The following FAAH2 variants were observed in gnomAD, a reference collection of about 807,000 sequenced individuals.
FAAH2 encodes fatty acid amide hydrolase 2, also known as fatty-acid amide hydrolase 2.
FAAH2 carries 60 observed loss-of-function variants against 36.9 expected under a neutral mutation model. The observed-to-expected ratio is 1.63, with a 90% CI of 1.32 to 2.02. The LOEUF is 2.02. Among genes scored for constraint, FAAH2 ranks in the 30% most tolerant of loss-of-function variants. The pLI is 0.00. For synonymous variants in FAAH2, 214 were observed against 143.8 expected (o/e 1.49, Z -3.49); for missense variants, 689 against 397.5 (o/e 1.73, Z -6.23).
intron 3 of FAAH2, among the ~76,000 whole-genome samples, chrX:57,325,279 G>C (rs187824169): frequency 1.3e-4 from 15 of 111,340 alleles, no homozygotes; most frequent in African/African-American, 4.2e-4. Flanking sequence ...ATGTTCATCA[G>C]GGATATTGGT....
At chrX:57,187,343 C>G in the FAAH2 span, among the ~76,000 whole-genome samples, 1 of 110,160 alleles carries the variant, frequency 9.1e-6, no homozygotes, top group Non-Finnish European at 1.9e-5. Context: ...AATGGGGGTT[C>G]ACTCATAATT....
chrX:57,455,425 C>T (rs1172509302), intron 10 of FAAH2, among the ~76,000 whole-genome samples: 1 of 110,930 alleles, frequency 9.0e-6, no homozygotes, highest in Non-Finnish European at 1.9e-5. Context: ...AACATGATGA[C>T]AGGATCAAAA....
chrX:57,171,157 G>A, the FAAH2 span, among the ~76,000 whole-genome samples: 2 of 111,473 alleles, frequency 1.8e-5, no homozygotes, highest in Non-Finnish European at 3.8e-5. Context: ...TCCAATAATT[G>A]GTTAGTGGGC....
intron 7 of FAAH2, among the ~76,000 whole-genome samples, chrX:57,419,371 C>T (rs1278468406): frequency 1.8e-5 from 2 of 111,289 alleles, no homozygotes; most frequent in African/African-American, 3.3e-5. Flanking sequence ...ACATCCTCTC[C>T]AGCACCTGTT....
At chrX:57,316,106 G>C (rs1309095666) in intron 3 of FAAH2, among the ~76,000 whole-genome samples, 1 of 110,996 alleles carries the variant, frequency 9.0e-6, no homozygotes, top group South Asian at 3.7e-4. Flanking sequence ...TGTCCTGGTT[G>C]AGATTCACAC....
chrX:57,135,612 G>C, the FAAH2 span: 3 of 867,763 alleles, frequency 3.5e-6, no homozygotes, highest in African/African-American at 6.2e-5. Flanking sequence ...AAACACACCC[G>C]AACTTTTCAA....
At chrX:57,258,865 C>A in the FAAH2 span, among the ~76,000 whole-genome samples, 1 of 107,698 alleles carries the variant, frequency 9.3e-6, no homozygotes, top group Admixed American at 1.0e-4. Context: ...CCTGCCACCA[C>A]GCCTGGCTAA....
In FAAH2 at chrX:57,472,791, A is replaced by G. The variant is rs180933077; in HGVS notation, c.1424-15966A>G. 8.2e-5 allele frequency among the ~76,000 whole-genome samples: 9 copies of G among 109,939 alleles called. No individual in the cohort carries two copies. In the Admixed American group the frequency reaches 8.7e-4, roughly 11 times the overall value. On this transcript the variant is annotated intron_variant, in intron 10 of 10. Coordinates refer to ENST00000374900, the MANE Select transcript of FAAH2 (RefSeq NM_174912.4). ...CCAGGAAACTATCAATTTTCTCTAG[A>G]TTTTCTAGTTTGTGTGCATAGAATT...
chrX:57,465,428 T>A lies in FAAH2; in HGVS notation c.1423+16710T>A, dbSNP rs181670056. Among the ~76,000 whole-genome samples the A allele has an allele frequency of 6.9e-4, 76 of 110,486 alleles. No homozygotes were observed. The Admixed American group carries it at 7.2e-3, about 11-fold the overall frequency. On this transcript the variant is annotated intron_variant, in intron 10 of 10. Transcript: ENST00000374900. Reference sequence around the variant, plus strand: ...ATATCCACCCTAAATAAATGAAAAATTCAAAAGTAGCAAAGAAAAATAACC... The same window carrying A: ...ATATCCACCCTAAATAAATGAAAAAATCAAAAGTAGCAAAGAAAAATAACC...
chrX:57,349,626 A>G (rs1365438718), intron 5 of FAAH2, among the ~76,000 whole-genome samples: 1 of 107,613 alleles, frequency 9.3e-6, no homozygotes, highest in Non-Finnish European at 1.9e-5. Context: ...ATACATTCAA[A>G]AGCTTCAAAA....
chrX:57,414,263 G>A (rs1038227250), intron 7 of FAAH2, among the ~76,000 whole-genome samples: 1 of 112,096 alleles, frequency 8.9e-6, no homozygotes, highest in African/African-American at 3.2e-5. Flanking sequence ...CAGGAGTGGT[G>A]AGAGAGGGCA....
At chrX:57,128,738 C>T in the FAAH2 span, among the ~76,000 whole-genome samples, 4 of 111,921 alleles carry the variant, frequency 3.6e-5, no homozygotes, top group African/African-American at 9.7e-5. Context: ...ACTTACTAAA[C>T]AAGTATTTAT....
At chrX:57,252,963 T>C in the FAAH2 span, among the ~76,000 whole-genome samples, 1 of 110,851 alleles carries the variant, frequency 9.0e-6, no homozygotes, top group Non-Finnish European at 1.9e-5. Flanking sequence ...ATCACAAACT[T>C]CTCCGAGCTA....
At chrX:57,372,998 C>T (rs759583667) in intron 5 of FAAH2, among the ~76,000 whole-genome samples, 1 of 111,445 alleles carries the variant, frequency 9.0e-6, no homozygotes, top group Admixed American at 9.6e-5. Context: ...TCCTGAGTTA[C>T]TTCACTTAGA....
Position 57,448,614 on chromosome X carries a change from T to C in FAAH2, c.1319T>C (p.Val440Ala), listed in dbSNP as rs759374709. Residue 440 changes from valine to alanine, a missense_variant, in exon 10 of 11, where the codon GTG becomes GCG. Val to Ala is a moderately conservative substitution (Grantham distance 64, BLOSUM62 0). Coordinates refer to ENST00000374900, the MANE Select transcript of FAAH2 (RefSeq NM_174912.4). ...AVEESLRKELVDMLGDDGVFL... is the reference protein window; with the variant it reads ...AVEESLRKELADMLGDDGVFL... The stretch of plus-strand genomic sequence containing the variant: ...GAAGAAAGCCTGCGTAAAGAGCTGG[T>C]GGATATGCTAGGTGATGATGGTGTG... 21 of 1,209,856 alleles carry C rather than the reference T, an allele frequency of 1.7e-5. No individual in the cohort carries two copies. In the East Asian group the frequency reaches 5.6e-4, roughly 32 times the overall value.
At chrX:57,466,156 C>CTATATATATA (rs1163626331) in intron 10 of FAAH2, among the ~76,000 whole-genome samples, 1,233 of 66,249 alleles carry the variant, frequency 0.019, 15 homozygotes, top group Middle Eastern at 0.068. Flanking sequence ...CTCTCTCTCT[C>CTATATATATA]TATATATATA....
the FAAH2 span, among the ~76,000 whole-genome samples, chrX:57,203,611 A>G: frequency 6.3e-5 from 7 of 111,870 alleles, no homozygotes; most frequent in African/African-American, 2.0e-4. Flanking sequence ...GGATCCACAT[A>G]TGCAGACCAC....
chrX:57,314,536 C>T (rs1337884752), intron 3 of FAAH2, among the ~76,000 whole-genome samples: 1 of 110,870 alleles, frequency 9.0e-6, no homozygotes, highest in Non-Finnish European at 1.9e-5. Flanking sequence ...ACTCTTGGAC[C>T]AGAGTGAAAT....
upstream of FAAH2, among the ~76,000 whole-genome samples, chrX:57,282,116 C>A (rs2051760502): frequency 8.9e-6 from 1 of 112,141 alleles, no homozygotes; most frequent in East Asian, 2.8e-4. Context: ...AATGGTAATT[C>A]TTCTTTCAGT....
Sources: gnomAD v4.1 joint callset for allele counts (sites outside exome capture counted in the v4.1 genomes callset) on GRCh38, gnomAD v4.1.1 for gene constraint, MANE v1.5 for transcripts, NCBI Gene and HGNC (gene_info 2026-07-23, HGNC 2026-07-21) for gene names.